GRIA4: variants seen among roughly 807,000 people sequenced by gnomAD.
GRIA4 encodes glutamate ionotropic receptor AMPA type subunit 4, also known as glutamate receptor 4.
Under a neutral mutation model 104.0 loss-of-function variants are expected in GRIA4, and 34 were observed. The ratio of observed to expected loss-of-function variants is 0.33; its 90% CI spans 0.25 to 0.44. The LOEUF is 0.44. GRIA4 is among the 20% of genes least tolerant of loss of function. The probability of loss-of-function intolerance (pLI) is 1.00; values close to 1 mark genes in which losing one functional copy is unlikely to be tolerated. For synonymous variants in GRIA4, 386 were observed against 381.9 expected, an observed-to-expected ratio of 1.01 and a Z score of -0.13; for missense variants, 750 against 1,096.5, an observed-to-expected ratio of 0.68 and a Z score of 4.46.
chr11:105,781,589 C>T (rs1253505249), intron 4 of GRIA4, among the ~76,000 whole-genome samples: 1 of 152,068 alleles, frequency 6.6e-6, no homozygotes, highest in Non-Finnish European at 1.5e-5. Context: ...AAAGGGAATG[C>T]ATCTATATAG....
chr11:105,742,112 G>C (rs1265026127), intron 3 of GRIA4, among the ~76,000 whole-genome samples: 9 of 152,140 alleles, frequency 5.9e-5, no homozygotes, highest in Non-Finnish European at 1.2e-4. Flanking sequence ...ACTGGACACA[G>C]CTGTAAATAA....
intron 15 of GRIA4, among the ~76,000 whole-genome samples, 159 bp downstream of exon 15, chr11:105,972,187 T>C (rs1858730935): frequency 6.6e-6 from 1 of 152,174 alleles, no homozygotes; most frequent in Non-Finnish European, 1.5e-5. Flanking sequence ...AGGGATGGTC[T>C]TCCCAGGAAA....
chr11:105,911,545 G>A (rs1947234896), intron 10 of GRIA4, among the ~76,000 whole-genome samples: 1 of 151,264 alleles, frequency 6.6e-6, no homozygotes, highest in Non-Finnish European at 1.5e-5. Flanking sequence ...TTTTAGTAAT[G>A]TTGAGTTGTT....
intron 4 of GRIA4, among the ~76,000 whole-genome samples, chr11:105,826,848 A>C (rs937684022): frequency 1.3e-5 from 2 of 152,036 alleles, no homozygotes; most frequent in African/African-American, 4.8e-5. Context: ...CAGCTAGGGC[A>C]CTATATCGGC....
chr11:105,837,949 C>T (rs964737470), intron 4 of GRIA4, among the ~76,000 whole-genome samples: 1 of 152,048 alleles, frequency 6.6e-6, no homozygotes, highest in African/African-American at 2.4e-5. Context: ...AAAGAGATAA[C>T]ACCCACTCTG....
At chr11:105,857,742 A>C (rs943851946) in intron 4 of GRIA4, among the ~76,000 whole-genome samples, 6 of 152,142 alleles carry the variant, frequency 3.9e-5, no homozygotes, top group African/African-American at 1.4e-4. Context: ...GAAAAGCAGA[A>C]TGGACACTTT....
At chr11:105,815,067 T>C (rs928290665) in intron 4 of GRIA4, among the ~76,000 whole-genome samples, 3 of 152,096 alleles carry the variant, frequency 2.0e-5, no homozygotes, top group African/African-American at 7.2e-5. Flanking sequence ...TGCAGATAAG[T>C]TGAGTCTAGG....
chr11:105,799,013 TGA>T (rs1301632285), intron 4 of GRIA4, among the ~76,000 whole-genome samples: 1 of 152,098 alleles, frequency 6.6e-6, no homozygotes, highest in Admixed American at 6.6e-5. Context: ...TCATAGATAA[TGA>T]GAGAACAACA....
At chr11:105,696,742 C>T (rs934530119) in intron 3 of GRIA4, among the ~76,000 whole-genome samples, 77 of 149,904 alleles carry the variant, frequency 5.1e-4, no homozygotes, top group African/African-American at 1.9e-3. Flanking sequence ...TAAGAATAGA[C>T]TTTTCCTGAC....
At chr11:105,728,885 G>T (rs1938398585) in intron 3 of GRIA4, among the ~76,000 whole-genome samples, 1 of 151,998 alleles carries the variant, frequency 6.6e-6, no homozygotes, top group Non-Finnish European at 1.5e-5. Flanking sequence ...CACTAAAATG[G>T]CCACAGGAGA....
At chr11:105,915,220 T>C (rs1226355116) in intron 10 of GRIA4, among the ~76,000 whole-genome samples, 3 of 152,182 alleles carry the variant, frequency 2.0e-5, no homozygotes, top group Non-Finnish European at 4.4e-5. Context: ...ATTTCTCTTA[T>C]GCTGTCTGCA....
chr11:105,907,975 T>G (rs901913865), intron 9 of GRIA4, among the ~76,000 whole-genome samples: 9 of 152,160 alleles, frequency 5.9e-5, no homozygotes, highest in African/African-American at 2.2e-4. Context: ...TTCAAGATCT[T>G]GAAACATCAT....
intron 3 of GRIA4, among the ~76,000 whole-genome samples, chr11:105,668,677 CTT>C (rs11378145): frequency 2.1e-5 from 3 of 140,506 alleles, no homozygotes; most frequent in Non-Finnish European, 4.5e-5. Context: ...TATCTTTTGT[CTT>C]TTTTTTTTTT....
intron 3 of GRIA4, among the ~76,000 whole-genome samples, chr11:105,723,559 A>G (rs1937981039): frequency 6.6e-6 from 1 of 152,120 alleles, no homozygotes; most frequent in South Asian, 2.1e-4. Flanking sequence ...CAAACATAAT[A>G]TAGGATTCTT....
chr11:105,688,114 CTA>C (rs1317326252), intron 3 of GRIA4, among the ~76,000 whole-genome samples: 1 of 68,466 alleles, frequency 1.5e-5, no homozygotes, highest in South Asian at 4.7e-4. Context: ...ATATCTATAT[CTA>C]TATCTATATC....
intron 4 of GRIA4, among the ~76,000 whole-genome samples, chr11:105,819,630 G>T (rs1325613383): frequency 6.6e-6 from 1 of 152,014 alleles, no homozygotes; most frequent in East Asian, 1.9e-4. Flanking sequence ...CACATGAAAC[G>T]CTCCTGGGTA....
At chr11:105,895,046 G>A (rs1350257109) in intron 6 of GRIA4, among the ~76,000 whole-genome samples, 8 of 102,834 alleles carry the variant, frequency 7.8e-5, no homozygotes, top group Non-Finnish European at 1.5e-4. Flanking sequence ...TGATCCACCC[G>A]CCTCGGCCTC....
chr11:105,618,724 A>G (rs1304487838), intron 3 of GRIA4, among the ~76,000 whole-genome samples: 2 of 151,948 alleles, frequency 1.3e-5, no homozygotes, highest in South Asian at 4.1e-4. Flanking sequence ...TCTGAGCTGA[A>G]GACAGATGAT....
At chr11:105,742,149 G>C (rs1939352335) in intron 3 of GRIA4, among the ~76,000 whole-genome samples, 1 of 152,236 alleles carries the variant, frequency 6.6e-6, no homozygotes, top group South Asian at 2.1e-4. Context: ...TATCATAACA[G>C]TTTATAAGCT....
Sources: gnomAD v4.1 joint callset for allele counts (sites outside exome capture counted in the v4.1 genomes callset) on GRCh38, gnomAD v4.1.1 for gene constraint, MANE v1.5 for transcripts, NCBI Gene and HGNC (gene_info 2026-07-23, HGNC 2026-07-21) for gene names.